UPF3A: variants seen among roughly 807,000 people sequenced by gnomAD.
UPF3A encodes regulator of nonsense transcripts 3A.
UPF3A carries 42 observed loss-of-function variants against 53.5 expected under a neutral mutation model. That is an observed-to-expected ratio of 0.78 (90% confidence interval 0.61 to 1.01). The LOEUF is 1.01. Ranked by LOEUF, UPF3A falls within the 50% of genes least tolerant of loss-of-function variation. The pLI is 0.00. For missense variants in UPF3A, 575 were observed against 598.0 expected (o/e 0.96, Z 0.40); for synonymous variants, 237 against 225.3 (o/e 1.05, Z -0.47).
At chr13:114,295,416 T>C (rs1370081033) in intron 7 of UPF3A, among the ~76,000 whole-genome samples, 2 of 148,050 alleles carry the variant, frequency 1.4e-5, no homozygotes, top group Non-Finnish European at 3.0e-5. Context: ...GCTCCCCAGC[T>C]CGTCTCCAGC....
intron 5 of UPF3A, among the ~76,000 whole-genome samples, chr13:114,290,504 T>C (rs1392137029): frequency 6.6e-6 from 1 of 152,018 alleles, no homozygotes; most frequent in East Asian, 1.9e-4. Context: ...TGTGTCCTTG[T>C]GTTGGTGGGA....
chr13:114,291,981 C>A (rs914996152), intron 7 of UPF3A, among the ~76,000 whole-genome samples, 189 bp downstream of exon 7: 1 of 152,118 alleles, frequency 6.6e-6, no homozygotes. Flanking sequence ...GCGTCCTGAG[C>A]CCTGGGAGTC....
intron 3 of UPF3A, chr13:114,283,205 G>C (rs2084303708): frequency 3.4e-6 from 1 of 290,586 alleles, no homozygotes; most frequent in African/African-American, 2.4e-5. Flanking sequence ...ATTGTGTAGA[G>C]ACGGGGGTCT....
intron 7 of UPF3A, 79 bp from the exon 8 acceptor site, chr13:114,298,760 AT>A: frequency 7.7e-7 from 1 of 1,307,150 alleles, no homozygotes; most frequent in Non-Finnish European, 1.0e-6. Context: ...ATATTGGGGT[AT>A]ATTTGTAATT....
intron 9 of UPF3A, among the ~76,000 whole-genome samples, 192 bp from the exon 10 acceptor site, chr13:114,304,597 T>C (rs1329178805): frequency 1.3e-5 from 2 of 152,204 alleles, no homozygotes; most frequent in Non-Finnish European, 2.9e-5. Flanking sequence ...TAACCAGTGT[T>C]TACATGGCTT....
At position 114,282,057 on chromosome 13, in the gene UPF3A, G is replaced by A. The variant is rs1236492825; in HGVS notation, c.244G>A (p.Glu82Lys). The stretch of plus-strand genomic sequence containing the variant: ...CCGCCTGCCTCCGGGCCTCACCAAG[G>A]AGCAGCTGGAGGAGCAGCTGCGCCC... Reference protein sequence around the residue: ...IRRLPPGLTKEQLEEQLRPLP... With the variant: ...IRRLPPGLTKKQLEEQLRPLP... Residue 82 changes from glutamate to lysine, a missense_variant, in exon 2 of 10, where the codon GAG (glutamate) becomes AAG (lysine). Physicochemically the swap from Glu to Lys is moderately conservative, Grantham distance 56. Transcript: ENST00000375299. The A allele has an allele frequency of 1.9e-6, 3 of 1,577,316 alleles. No homozygotes were observed. The highest frequency in any genetic ancestry group is 1.8e-5 in the Admixed American group (1 of 55,284).
In UPF3A at chr13:114,286,311, A is replaced by T; in HGVS notation, c.431A>T (p.Tyr144Phe). The change falls in exon 4 of 10, where the codon TAT (tyrosine) becomes TTT (phenylalanine). Residue 144 changes from tyrosine (Y) to phenylalanine (F), a missense_variant. This residue lies in a region of UPF3A where 323 missense variants were observed against 415.2 expected (regional missense o/e 0.78). Coordinates refer to ENST00000375299, the MANE Select transcript of UPF3A (RefSeq NM_023011.4). ...TGTTTCCTGTTAAAAGGCCTAGAATATCCTGCAGTGGTAGAGTTTGCTCCA... is the reference window on the plus strand; with the variant it reads ...TGTTTCCTGTTAAAAGGCCTAGAATTTCCTGCAGTGGTAGAGTTTGCTCCA... ...YIFLDSKGLE[Y>F]PAVVEFAPFQ... 1 of 1,614,140 alleles carries T rather than the reference A, an allele frequency of 6.2e-7. No homozygotes were observed. Among genetic ancestry groups the T allele is most frequent in the Non-Finnish European group, 8.5e-7 (1 of 1,179,994 alleles).
chr13:114,304,015 A>G (rs919224021), intron 9 of UPF3A, among the ~76,000 whole-genome samples: 2 of 152,220 alleles, frequency 1.3e-5, no homozygotes, highest in Non-Finnish European at 2.9e-5. Flanking sequence ...ATGTACCCAC[A>G]TGGTCGTCCT....
At chr13:114,285,082 G>A (rs2084544647) in intron 3 of UPF3A, 1 of 152,174 alleles carries the variant, frequency 6.6e-6, no homozygotes, top group South Asian at 2.1e-4. Flanking sequence ...CTTATATTTA[G>A]GTTTGATCCA....
chr13:114,299,397 G>A (rs867993625), intron 8 of UPF3A, among the ~76,000 whole-genome samples: 13 of 152,010 alleles, frequency 8.6e-5, no homozygotes, highest in Middle Eastern at 3.4e-3. Context: ...TATCCCCCTT[G>A]CAATTTATCT....
intron 8 of UPF3A, among the ~76,000 whole-genome samples, chr13:114,299,240 C>T (rs546155097): frequency 7.2e-5 from 11 of 152,268 alleles, no homozygotes; most frequent in Admixed American, 2.6e-4. Context: ...TTTGCTTTTG[C>T]CTCCATGTCC....
chr13:114,281,818 G>A lies in UPF3A; in HGVS notation c.179G>A (p.Arg60His), dbSNP rs770424499. Residue 60 changes from arginine to histidine, a missense_variant, in exon 1 of 10, where the codon CGC becomes CAC. Physicochemically the swap from Arg to His is conservative, Grantham distance 29. Coordinates refer to ENST00000375299, the MANE Select transcript of UPF3A (RefSeq NM_023011.4). ...SGCGGGAGKP[R>H]EEKRTALSKV... is the part of the protein sequence containing the mutation. ...TGCGGGGGCGGTGCGGGCAAACCTCGCGAGGAGAAGAGGACGGCCCTGAGC... is the reference window on the plus strand; with the variant it reads ...TGCGGGGGCGGTGCGGGCAAACCTCACGAGGAGAAGAGGACGGCCCTGAGC... 6.5e-7 allele frequency: 1 copy of A among 1,546,362 alleles called. No homozygotes were observed. The highest frequency in any genetic ancestry group is 8.7e-7 in the Non-Finnish European group (1 of 1,144,214).
At chr13:114,293,241 G>A (rs149890344) in intron 7 of UPF3A, among the ~76,000 whole-genome samples, 8 of 148,328 alleles carry the variant, frequency 5.4e-5, no homozygotes, top group Admixed American at 1.3e-4. Flanking sequence ...AAAATGAGCC[G>A]GACGTGGTGG....
chr13:114,304,117 A>G (rs1278074651), intron 9 of UPF3A, among the ~76,000 whole-genome samples: 3 of 152,216 alleles, frequency 2.0e-5, no homozygotes, highest in Admixed American at 6.5e-5. Flanking sequence ...CGCGTGGAGC[A>G]GGAGGCTCAC....
chr13:114,290,981 C>T (rs369540579), intron 5 of UPF3A, among the ~76,000 whole-genome samples: 3 of 151,882 alleles, frequency 2.0e-5, no homozygotes, highest in Admixed American at 6.6e-5. Flanking sequence ...GTGATCTGCC[C>T]GCCTTGGCCT....
At chr13:114,304,737 C>G in intron 9 of UPF3A, 52 bp from the exon 10 acceptor site, 9 of 1,590,916 alleles carry the variant, frequency 5.7e-6, no homozygotes, top group Non-Finnish European at 7.7e-6. Flanking sequence ...AGATATTGAC[C>G]CTTCTGTGTT....
chr13:114,299,643 G>A (rs1003682062), intron 8 of UPF3A, among the ~76,000 whole-genome samples: 2 of 152,228 alleles, frequency 1.3e-5, no homozygotes, highest in South Asian at 4.1e-4. Context: ...GACAGACACA[G>A]CATTATCTGC....
rs191204017 is a variant in UPF3A at position 114,299,334 on chromosome 13, T to A, written c.1007+334T>A. On this transcript the variant is annotated intron_variant, in intron 8 of 9. Transcript: ENST00000375299. Reference sequence around the variant, plus strand: ...TCTGTCTTCCCAGTCTTTCTTTTTGTTTTTTGTTTTTTATTTTTCTCTGTG... The same window carrying A: ...TCTGTCTTCCCAGTCTTTCTTTTTGATTTTTGTTTTTTATTTTTCTCTGTG... 2.6e-4 allele frequency among the ~76,000 whole-genome samples: 39 copies of A among 152,326 alleles called. No individual in the cohort carries two copies. The East Asian group carries it at 7.1e-3, about 28-fold the overall frequency.
At chr13:114,299,030 T>C (rs2086335074) in intron 8 of UPF3A, 30 bp downstream of exon 8, 1 of 1,556,412 alleles carries the variant, frequency 6.4e-7, no homozygotes, top group South Asian at 1.2e-5. Flanking sequence ...TATGACCACG[T>C]CAGCTCCCAG....
Sources: gnomAD v4.1 joint callset for allele counts (sites outside exome capture counted in the v4.1 genomes callset) on GRCh38, gnomAD v4.1.1 for gene constraint, gnomAD v4.1.1 regional missense constraint, MANE v1.5 for transcripts, NCBI Gene and HGNC (gene_info 2026-07-23, HGNC 2026-07-21) for gene names.